AUTS2: variants seen among roughly 807,000 people sequenced by gnomAD.
The protein encoded by AUTS2 is autism susceptibility gene 2 protein.
AUTS2 carries 17 observed loss-of-function variants against 112.4 expected under a neutral mutation model. The observed-to-expected ratio is 0.15, with a 90% CI of 0.10 to 0.23. The LOEUF (loss-of-function observed/expected upper bound fraction) is 0.23. AUTS2 is among the 10% of genes least tolerant of loss of function. The pLI, the probability that AUTS2 is intolerant of heterozygous loss-of-function variation, is 1.00. For missense variants in AUTS2, 1,510 were observed against 1,701.6 expected, an observed-to-expected ratio of 0.89 and a Z score of 1.98; for synonymous variants, 751 against 702.7, an observed-to-expected ratio of 1.07 and a Z score of -1.09.
chr7:70,772,022 C>T (rs1275935079), intron 11 of AUTS2, among the ~76,000 whole-genome samples: 1 of 152,180 alleles, frequency 6.6e-6, no homozygotes, highest in Non-Finnish European at 1.5e-5. Context: ...TTAGTAAAGA[C>T]ACAAAGCTGG....
intron 4 of AUTS2, among the ~76,000 whole-genome samples, chr7:70,419,884 T>C (rs776833103): frequency 6.6e-6 from 1 of 152,230 alleles, no homozygotes; most frequent in African/African-American, 2.4e-5. Context: ...TTTTTTCGTA[T>C]GTTTATTAGC....
chr7:69,608,678 A>G (rs1454681464), intron 1 of AUTS2, among the ~76,000 whole-genome samples: 2 of 152,262 alleles, frequency 1.3e-5, no homozygotes, highest in Non-Finnish European at 2.9e-5. Context: ...TTCTAGCCAC[A>G]TGATAGAAAT....
chr7:70,204,373 C>A (rs1461119757), intron 4 of AUTS2, among the ~76,000 whole-genome samples: 2 of 152,082 alleles, frequency 1.3e-5, no homozygotes, highest in African/African-American at 4.8e-5. Flanking sequence ...CCAAAGAAGT[C>A]ATTTTTCTTT....
At chr7:70,731,871 C>T (rs1787423616) in intron 6 of AUTS2, among the ~76,000 whole-genome samples, 1 of 151,884 alleles carries the variant, frequency 6.6e-6, no homozygotes, top group Non-Finnish European at 1.5e-5. Context: ...TATATCATAA[C>T]CTTTTATGTC....
Position 70,117,117 on chromosome 7 carries a change from GTT to G in AUTS2, c.523-1007_523-1006del, listed in dbSNP as rs60488343. 7.3e-4 allele frequency among the ~76,000 whole-genome samples: 53 copies of G among 73,086 alleles called. 1 individual carries two copies. The highest frequency in any genetic ancestry group is 1.8e-3 in the African/African-American group (31 of 17,186). The allele number at this position is 73,086 out of a possible 152,430, so 47.9% of individuals were successfully genotyped here. A position where few individuals can be genotyped will look rare whatever the true frequency, so the allele number is the denominator to read the frequency against. On this transcript the variant is annotated intron_variant, in intron 2 of 18. Transcript: ENST00000342771. ...GAGATGACTTTTGTTTTTTTTTTTT[GTT>G]TTTTTTTGTTTTTTTTTGTTTTTTT...
At chr7:70,755,732 CTTA>C (rs1048264637) in intron 6 of AUTS2, among the ~76,000 whole-genome samples, 2 of 151,904 alleles carry the variant, frequency 1.3e-5, no homozygotes, top group Admixed American at 6.6e-5. Flanking sequence ...TCTCAGTTGG[CTTA>C]TTTTAATGGT....
At chr7:70,130,499 G>T (rs1220469788) in intron 3 of AUTS2, among the ~76,000 whole-genome samples, 1 of 152,254 alleles carries the variant, frequency 6.6e-6, no homozygotes, top group Non-Finnish European at 1.5e-5. Flanking sequence ...TTGCAGACTT[G>T]AATGTCAGCA....
rs949977548 is a variant in AUTS2, at chr7:70,672,370, A to G, written c.691-26199A>G. On this transcript the variant is annotated intron_variant, in intron 5 of 18. Coordinates refer to ENST00000342771, the MANE Select transcript of AUTS2 (RefSeq NM_015570.4). The stretch of plus-strand genomic sequence containing the variant: ...TTACTTGAGAAACAAGAGAATAATA[A>G]TAGTATTTTGTCACGGAAGCCCAGT... Among the ~76,000 whole-genome samples the G allele has an allele frequency of 5.1e-4, 77 of 152,344 alleles. 1 individual carries two copies. The highest frequency in any genetic ancestry group is 1.7e-3 in the African/African-American group (69 of 41,590).
At chr7:69,822,785 A>G (rs1231766531) in intron 1 of AUTS2, among the ~76,000 whole-genome samples, 1 of 152,184 alleles carries the variant, frequency 6.6e-6, no homozygotes, top group Non-Finnish European at 1.5e-5. Flanking sequence ...AGTCCAATCC[A>G]ATATCTGCCT....
intron 5 of AUTS2, among the ~76,000 whole-genome samples, chr7:70,671,788 A>G (rs1807659927): frequency 6.6e-6 from 1 of 152,236 alleles, no homozygotes; most frequent in Admixed American, 6.5e-5. Context: ...TTGCGTTGTC[A>G]ACCTGGAAGG....
At chr7:70,572,081 C>T (rs756895102) in intron 5 of AUTS2, among the ~76,000 whole-genome samples, 32 of 152,072 alleles carry the variant, frequency 2.1e-4, no homozygotes, top group Non-Finnish European at 4.1e-4. Flanking sequence ...GGAGCCATGG[C>T]GATTTTATGA....
At position 69,973,811 on chromosome 7, in the gene AUTS2, G is replaced by A. The variant is rs894459114; in HGVS notation, c.522+74313G>A. Reference sequence around the variant, plus strand: ...ATTTAGTCAATGTGTATAATTCTTTGTATGTATCGCTCAATTTTATTTACT... The same window carrying A: ...ATTTAGTCAATGTGTATAATTCTTTATATGTATCGCTCAATTTTATTTACT... On this transcript the variant is annotated intron_variant, in intron 2 of 18. Transcript: ENST00000342771. 3.3e-5 allele frequency among the ~76,000 whole-genome samples: 5 copies of A among 151,976 alleles called. No individual in the cohort carries two copies. The East Asian group carries it at 9.6e-4, about 29-fold the overall frequency.
intron 4 of AUTS2, among the ~76,000 whole-genome samples, chr7:70,428,521 G>A (rs765173111): frequency 4.6e-5 from 7 of 152,150 alleles, no homozygotes; most frequent in Non-Finnish European, 7.3e-5. Flanking sequence ...AAGGAGAATC[G>A]ATTTGTTTTG....
intron 1 of AUTS2, among the ~76,000 whole-genome samples, chr7:69,709,495 C>T (rs1374700304): frequency 6.6e-6 from 1 of 152,154 alleles, no homozygotes; most frequent in Non-Finnish European, 1.5e-5. Context: ...TTGAAAAAGG[C>T]ACACCTGGCC....
At chr7:70,744,988 G>T (rs1044994332) in intron 6 of AUTS2, among the ~76,000 whole-genome samples, 7 of 151,976 alleles carry the variant, frequency 4.6e-5, no homozygotes, top group African/African-American at 1.4e-4. Context: ...TGCATTGCAG[G>T]CTCTCCTCAG....
At chr7:70,037,493 ATGT>A (rs2129557335) in intron 2 of AUTS2, among the ~76,000 whole-genome samples, 1 of 152,356 alleles carries the variant, frequency 6.6e-6, no homozygotes, top group South Asian at 2.1e-4. Flanking sequence ...TAACAACATC[ATGT>A]TGTACACCTT....
At chr7:69,943,588 AG>A (rs1796704561) in intron 2 of AUTS2, among the ~76,000 whole-genome samples, 1 of 152,142 alleles carries the variant, frequency 6.6e-6, no homozygotes, top group Admixed American at 6.6e-5. Context: ...ATTATCTCCT[AG>A]GGTCTATCAG....
At chr7:69,777,770 T>A (rs1015758585) in intron 1 of AUTS2, among the ~76,000 whole-genome samples, 1 of 152,178 alleles carries the variant, frequency 6.6e-6, no homozygotes, top group Non-Finnish European at 1.5e-5. Context: ...AGCCCCTCTT[T>A]GTAACACTCT....
At chr7:70,277,971 TG>T (rs1777303621) in intron 4 of AUTS2, among the ~76,000 whole-genome samples, 2 of 151,900 alleles carry the variant, frequency 1.3e-5, no homozygotes, top group Admixed American at 6.6e-5. Flanking sequence ...TGTGTGTGTG[TG>T]TGTGTGTGTG....
Sources: allele counts gnomAD v4.1 joint callset (sites outside exome capture counted in the v4.1 genomes callset), GRCh38; gene constraint gnomAD v4.1.1; transcripts MANE v1.5; gene names NCBI Gene and HGNC (gene_info 2026-07-23, HGNC 2026-07-21).